The following RP2 variants were observed in gnomAD, a reference collection of about 807,000 sequenced individuals.
The protein encoded by RP2 is RP2 activator of ARL3 GTPase.
RP2 carries 3 observed loss-of-function variants against 20.3 expected under a neutral mutation model. The ratio of observed to expected loss-of-function variants is 0.15; its 90% CI spans 0.07 to 0.38. RP2 has a LOEUF of 0.38. RP2 is among the 10% of genes least tolerant of loss of function. The pLI, the probability that RP2 is intolerant of heterozygous loss-of-function variation, is 1.00. For synonymous variants in RP2, 75 were observed against 94.8 expected (o/e 0.79, Z 1.22); for missense variants, 233 against 268.5 (o/e 0.87, Z 0.92).
At chrX:46,847,822 G>GTATATGTGTATATATGTGTGTA (rs1296304115) in intron 1 of RP2, among the ~76,000 whole-genome samples, 135 of 91,606 alleles carry the variant, frequency 1.5e-3, no homozygotes, top group African/African-American at 5.3e-3. Context: ...ACATATATGT[G>GTATATGTGTATATATGTGTGTA]TATATGTGTA....
intron 4 of RP2, among the ~76,000 whole-genome samples, chrX:46,878,575 C>A (rs1925415688): frequency 9.0e-6 from 1 of 110,940 alleles, no homozygotes; most frequent in Non-Finnish European, 1.9e-5. Context: ...GCTTATGATT[C>A]CTTGAATTTA....
At chrX:46,866,693 T>C (rs905740887) in intron 3 of RP2, among the ~76,000 whole-genome samples, 6 of 112,052 alleles carry the variant, frequency 5.4e-5, no homozygotes, top group Non-Finnish European at 1.1e-4. Flanking sequence ...CTTATCCCCT[T>C]CATTGAAGTA....
At chrX:46,847,765 C>CATATGTGTGTGTGTGTATACACACAT (rs782092352) in intron 1 of RP2, among the ~76,000 whole-genome samples, 1 of 78,424 alleles carries the variant, frequency 1.3e-5, no homozygotes, top group Admixed American at 1.5e-4. Flanking sequence ...TATATACACA[C>CATATGTGTGTGTGTGTATACACACAT]ATGTGTGTGT....
intron 3 of RP2, among the ~76,000 whole-genome samples, chrX:46,864,536 G>T (rs781810646): frequency 2.8e-5 from 3 of 108,979 alleles, no homozygotes; most frequent in African/African-American, 6.7e-5. Context: ...TCAGCCTCCT[G>T]GGTAGCTGGG....
intron 3 of RP2, among the ~76,000 whole-genome samples, chrX:46,876,950 C>T (rs1260768388): frequency 2.7e-5 from 3 of 111,886 alleles, no homozygotes; most frequent in African/African-American, 9.7e-5. Context: ...AAAATAAAAA[C>T]TTTGTCTATG....
intron 4 of RP2, among the ~76,000 whole-genome samples, chrX:46,879,273 T>C (rs1925431578): frequency 9.2e-6 from 1 of 109,188 alleles, no homozygotes; most frequent in African/African-American, 3.3e-5. Flanking sequence ...AATAATAATA[T>C]ATCTTTAGCA....
At chrX:46,868,854 G>C (rs782256156) in intron 3 of RP2, among the ~76,000 whole-genome samples, 11 of 109,936 alleles carry the variant, frequency 1.0e-4, no homozygotes, top group Non-Finnish European at 1.7e-4. Flanking sequence ...CCAGCACTTA[G>C]GGAGGCTGAG....
At chrX:46,864,062 A>C (rs1925122704) in intron 3 of RP2, among the ~76,000 whole-genome samples, 1 of 111,486 alleles carries the variant, frequency 9.0e-6, no homozygotes, top group Admixed American at 9.6e-5. Context: ...CTGTAATTCC[A>C]GCACTTTGGG....
At chrX:46,840,122 C>T (rs781983548) in intron 1 of RP2, among the ~76,000 whole-genome samples, 8 of 111,953 alleles carry the variant, frequency 7.1e-5, no homozygotes, top group African/African-American at 2.6e-4. Context: ...GAATTACAGG[C>T]GTGCACCACC....
At chrX:46,861,835 T>G (rs782362926) in intron 3 of RP2, among the ~76,000 whole-genome samples, 12 of 111,160 alleles carry the variant, frequency 1.1e-4, no homozygotes, top group African/African-American at 3.6e-4. Flanking sequence ...AGCAAGACCT[T>G]GTCTCAAAAA....
intron 1 of RP2, among the ~76,000 whole-genome samples, chrX:46,839,247 C>A: frequency 9.0e-6 from 1 of 111,662 alleles, no homozygotes; most frequent in East Asian, 2.8e-4. Flanking sequence ...AAATTTTATA[C>A]AATTTAAAAT....
chrX:46,860,048 G>A lies in RP2; in HGVS notation c.829G>A (p.Ala277Thr), dbSNP rs782775255. The A allele has an allele frequency of 7.4e-6, 9 of 1,210,868 alleles. No individual in the cohort carries two copies. The Admixed American group carries it at 2.0e-4, about 26-fold the overall frequency. ...GGAAGTGTCCATGAAAGCTGAGGAT[G>A]CTCAAAGGGTTTTTCGGGAAAAAGC... ...TKEVSMKAED[A>T]QRVFREKAPD... The change falls in exon 3 of 5, where the codon GCT becomes ACT. Residue 277 changes from alanine to threonine, a missense_variant. Coordinates refer to ENST00000218340, the MANE Select transcript of RP2 (RefSeq NM_006915.3).
intron 1 of RP2, among the ~76,000 whole-genome samples, chrX:46,850,252 C>T (rs1924835215): frequency 8.9e-6 from 1 of 111,753 alleles, no homozygotes. Flanking sequence ...TGCCTTACCT[C>T]CTACAGCCAT....
At chrX:46,872,717 TG>T (rs1394360534) in intron 3 of RP2, among the ~76,000 whole-genome samples, 2 of 111,475 alleles carry the variant, frequency 1.8e-5, no homozygotes, top group South Asian at 3.7e-4. Context: ...AACTGTCTGG[TG>T]TTTTTTTGTT....
At chrX:46,861,192 T>G (rs946767700) in intron 3 of RP2, among the ~76,000 whole-genome samples, 6 of 112,008 alleles carry the variant, frequency 5.4e-5, no homozygotes, top group African/African-American at 1.9e-4. Context: ...CATCCTAAAG[T>G]GTGAGAGTTA....
At chrX:46,879,328 GATT>G (rs199751758) in intron 4 of RP2, among the ~76,000 whole-genome samples, 9,301 of 110,414 alleles carry the variant, frequency 0.084, 419 homozygotes, top group Non-Finnish European at 0.13. Context: ...AGACTACTGA[GATT>G]ATTATTAGAA....
chrX:46,848,007 A>G (rs1187111166), intron 1 of RP2, among the ~76,000 whole-genome samples: 1 of 101,685 alleles, frequency 9.8e-6, no homozygotes, highest in East Asian at 3.1e-4. Context: ...GTGTGCCTCA[A>G]TTTTCTCAAG....
intron 4 of RP2, 53 bp downstream of exon 4, chrX:46,877,643 T>C: frequency 1.1e-6 from 1 of 879,879 alleles, no homozygotes. Flanking sequence ...TCATCTCCTT[T>C]TCCTTACAGT....
chrX:46,863,436 G>A (rs1925112543), intron 3 of RP2, among the ~76,000 whole-genome samples: 1 of 112,255 alleles, frequency 8.9e-6, no homozygotes, highest in African/African-American at 3.2e-5. Flanking sequence ...AAAATAAAAA[G>A]TTGGGGAAAA....
Sources: allele counts gnomAD v4.1 joint callset (sites outside exome capture counted in the v4.1 genomes callset), GRCh38; gene constraint gnomAD v4.1.1; transcripts MANE v1.5; gene names NCBI Gene and HGNC (gene_info 2026-07-23, HGNC 2026-07-21).